FGGY: variants seen among roughly 807,000 people sequenced by gnomAD.
FGGY encodes FGGY carbohydrate kinase domain-containing protein.
A neutral mutation model predicts 71.3 loss-of-function variants in FGGY; 72 were observed. The ratio of observed to expected loss-of-function variants is 1.01; its 90% CI spans 0.84 to 1.23. The LOEUF is 1.23. Among genes scored for constraint, FGGY ranks in the 50% most tolerant of loss-of-function variants. FGGY has a pLI of 0.00. For synonymous variants in FGGY, 251 were observed against 250.3 expected (o/e 1.00, Z -0.02); for missense variants, 668 against 682.3 (o/e 0.98, Z 0.23).
chr1:59,630,933 C>T (rs2096902667), intron 10 of FGGY, among the ~76,000 whole-genome samples: 1 of 152,170 alleles, frequency 6.6e-6, no homozygotes, highest in Non-Finnish European at 1.5e-5. Flanking sequence ...CTCTTGGTCT[C>T]TACTTCTCCA....
chr1:59,687,053 G>C (rs1165826023), intron 14 of FGGY, among the ~76,000 whole-genome samples: 1 of 152,184 alleles, frequency 6.6e-6, no homozygotes, highest in Non-Finnish European at 1.5e-5. Context: ...GGCTGGGCTG[G>C]TCCTTTGCCT....
At chr1:59,742,955 A>G (rs2098163123) in intron 14 of FGGY, among the ~76,000 whole-genome samples, 1 of 152,146 alleles carries the variant, frequency 6.6e-6, no homozygotes, top group South Asian at 2.1e-4. Flanking sequence ...ATTCTCTACA[A>G]AACTACCAGA....
chr1:59,653,185 A>G (rs967412823), intron 11 of FGGY, among the ~76,000 whole-genome samples: 1 of 152,186 alleles, frequency 6.6e-6, no homozygotes, highest in African/African-American at 2.4e-5. Context: ...TTAAGTCTGC[A>G]GAGGTTACTG....
At chr1:59,497,997 G>A (rs1396859052) in intron 6 of FGGY, among the ~76,000 whole-genome samples, 1 of 152,164 alleles carries the variant, frequency 6.6e-6, no homozygotes, top group Non-Finnish European at 1.5e-5. Flanking sequence ...TGGACAACAG[G>A]ACACAAGGGA....
intron 10 of FGGY, among the ~76,000 whole-genome samples, chr1:59,636,414 G>T (rs2096959775): frequency 6.6e-6 from 1 of 152,172 alleles, no homozygotes. Context: ...GAGGTCAGGA[G>T]ATTGAGACCA....
chr1:59,693,108 G>A (rs973457996), intron 14 of FGGY, among the ~76,000 whole-genome samples: 4 of 152,142 alleles, frequency 2.6e-5, no homozygotes, highest in Admixed American at 6.5e-5. Flanking sequence ...TGTAAGCATC[G>A]TCAGAAGGTT....
chr1:59,637,637 T>G (rs2096974873), intron 10 of FGGY, among the ~76,000 whole-genome samples: 1 of 152,092 alleles, frequency 6.6e-6, no homozygotes, highest in Admixed American at 6.6e-5. Flanking sequence ...CACAATGTCA[T>G]CTGGTGGGTT....
At chr1:59,535,467 C>T (rs2095287486) in intron 7 of FGGY, among the ~76,000 whole-genome samples, 1 of 152,194 alleles carries the variant, frequency 6.6e-6, no homozygotes, top group South Asian at 2.1e-4. Flanking sequence ...GAACTCAGCT[C>T]TGCACCAAGG....
chr1:59,686,078 G>A (rs2097541631), intron 14 of FGGY, among the ~76,000 whole-genome samples: 2 of 152,198 alleles, frequency 1.3e-5, no homozygotes, highest in African/African-American at 2.4e-5. Flanking sequence ...CCACCTTGCT[G>A]AGAGCCCAGA....
intron 6 of FGGY, among the ~76,000 whole-genome samples, chr1:59,510,802 CCT>C (rs2094500701): frequency 6.6e-6 from 1 of 152,140 alleles, no homozygotes; most frequent in African/African-American, 2.4e-5. Context: ...CCGCTTAACA[CCT>C]CTCAATTCAG....
intron 8 of FGGY, among the ~76,000 whole-genome samples, chr1:59,557,439 A>T (rs563218851): frequency 2.8e-4 from 43 of 152,332 alleles, no homozygotes; most frequent in African/African-American, 1.0e-3. Flanking sequence ...CACATAAGTG[A>T]GTATTGGTAA....
chr1:59,618,604 G>A (rs949119752), intron 9 of FGGY, among the ~76,000 whole-genome samples: 18 of 152,140 alleles, frequency 1.2e-4, no homozygotes, highest in Middle Eastern at 3.4e-3. Context: ...GGCTTTGTAA[G>A]GCCATGGGAG....
chr1:59,307,064 C>G (rs2153086926), intron 1 of FGGY, among the ~76,000 whole-genome samples: 1 of 152,208 alleles, frequency 6.6e-6, no homozygotes, highest in South Asian at 2.1e-4. Flanking sequence ...TCTGTAATCT[C>G]AGAACTTTGG....
chr1:59,430,567 C>A (rs1329775802), intron 5 of FGGY, among the ~76,000 whole-genome samples: 1 of 152,136 alleles, frequency 6.6e-6, no homozygotes, highest in Non-Finnish European at 1.5e-5. Context: ...TCATAAGGGC[C>A]CATTTTCCTC....
chr1:59,473,194 C>T (rs538830459), intron 6 of FGGY, among the ~76,000 whole-genome samples: 1 of 152,306 alleles, frequency 6.6e-6, no homozygotes, highest in Non-Finnish European at 1.5e-5. Context: ...GTAACACTCA[C>T]TGCAAAGGTC....
intron 6 of FGGY, among the ~76,000 whole-genome samples, chr1:59,499,503 T>G (rs1032903315): frequency 9.9e-5 from 15 of 152,038 alleles, no homozygotes; most frequent in Non-Finnish European, 2.9e-5. Context: ...AATTTTCCAT[T>G]TAATATTTTT....
At chr1:59,612,758 C>T (rs555084509) in intron 9 of FGGY, among the ~76,000 whole-genome samples, 13 of 152,236 alleles carry the variant, frequency 8.5e-5, no homozygotes, top group African/African-American at 1.9e-4. Flanking sequence ...ACCCATCTCA[C>T]GTGCGGAGAC....
intron 6 of FGGY, among the ~76,000 whole-genome samples, chr1:59,501,462 C>G (rs1402599979): frequency 6.6e-6 from 1 of 151,774 alleles, no homozygotes; most frequent in East Asian, 1.9e-4. Flanking sequence ...CTGCTTTAAA[C>G]CTTGTAATAT....
chr1:59,678,428 C>A (rs976042792), intron 14 of FGGY, among the ~76,000 whole-genome samples: 1 of 152,060 alleles, frequency 6.6e-6, no homozygotes, highest in Non-Finnish European at 1.5e-5. Flanking sequence ...GCTCCCAGGT[C>A]CTGGAAAATC....
Sources: allele counts gnomAD v4.1 joint callset (sites outside exome capture counted in the v4.1 genomes callset), GRCh38; gene constraint gnomAD v4.1.1; transcripts MANE v1.5; gene names NCBI Gene and HGNC (gene_info 2026-07-23, HGNC 2026-07-21).